Variants in SPCS1 observed in about 807,000 individuals in gnomAD.
SPCS1 encodes SPase 12 kDa subunit.
A neutral mutation model predicts 16.4 loss-of-function variants in SPCS1; 10 were observed. The observed-to-expected ratio is 0.61, with a 90% CI of 0.38 to 1.03. The LOEUF (loss-of-function observed/expected upper bound fraction) is 1.03, where lower values mean the gene tolerates loss of function less well. Ranked by LOEUF, SPCS1 falls within the 50% of genes least tolerant of loss-of-function variation. SPCS1 has a pLI of 0.01. For missense variants in SPCS1, 118 were observed against 123.8 expected, an observed-to-expected ratio of 0.95 and a Z score of 0.22; for synonymous variants, 47 against 42.5, an observed-to-expected ratio of 1.10 and a Z score of -0.41.
chr3:52,707,587 T>A (rs2097345905), intron 3 of SPCS1, 100 bp from the exon 4 acceptor site: 11 of 1,291,166 alleles, frequency 8.5e-6, no homozygotes, highest in Admixed American at 6.7e-5. Flanking sequence ...GTTTTTTTGT[T>A]CCCTCAGCAT....
At chr3:52,706,733 C>A in intron 2 of SPCS1, 30 bp downstream of exon 2, 1 of 1,608,006 alleles carries the variant, frequency 6.2e-7, no homozygotes, top group Non-Finnish European at 8.5e-7. Context: ...TTAATCTCCG[C>A]CCCCGCCTCC....
Position 52,706,202 on chromosome 3 carries a change from C to T in SPCS1, c.-45C>T, listed in dbSNP as rs752641068. 6.4e-7 allele frequency: 1 copy of T among 1,566,446 alleles called. No homozygotes were observed. The highest frequency in any genetic ancestry group is 1.3e-5 in the African/African-American group (1 of 74,218). On this transcript the variant is annotated 5_prime_UTR_variant, in exon 1 of 4. Transcript: ENST00000619898. ...CCTTAAGTCTCGGTCGCCCTCGCCT[C>T]GCAGCCTGCCACCCGCGCTCAGCTG...
Position 52,706,107 on chromosome 3 carries a change from C to A in SPCS1, c.-140C>A, listed in dbSNP as rs2097344370. 1.3e-6 allele frequency: 2 copies of A among 1,538,612 alleles called. No homozygotes were observed. The highest frequency in any genetic ancestry group is 2.7e-5 in the African/African-American group (2 of 72,982). Reference sequence around the variant, plus strand: ...TCGGAGACTTCCGCTTCCGGGGCCGCCGCCATCGCTCTCCCGGGCTTAGAA... The same window carrying A: ...TCGGAGACTTCCGCTTCCGGGGCCGACGCCATCGCTCTCCCGGGCTTAGAA... On this transcript the variant is annotated 5_prime_UTR_variant, in exon 1 of 4. Transcript: ENST00000619898.
chr3:52,708,038 T>C lies in SPCS1; in HGVS notation c.*226T>C. ...AGATGGGGAACAGAACACACAAGTA[T>C]GAAGTTTCTTTCAGGTGTAAATAAT... On this transcript the variant is annotated 3_prime_UTR_variant, in exon 4 of 4. Transcript: ENST00000619898. 2 of 389,522 alleles carry C rather than the reference T, an allele frequency of 5.1e-6. No homozygotes were observed. Among genetic ancestry groups the C allele is most frequent in the Non-Finnish European group, 9.3e-6 (2 of 215,212 alleles). 24.1% of individuals were successfully genotyped at this position (389,522 alleles called of 1,614,324 possible). A position where few individuals can be genotyped will look rare whatever the true frequency, so the allele number is the denominator to read the frequency against.
At position 52,708,273 on chromosome 3, in the gene SPCS1, C is replaced by CT. The variant is rs1231303525; in HGVS notation, c.*462dup. 1 of 153,826 alleles carries CT rather than the reference C, an allele frequency of 6.5e-6. No homozygotes were observed. The highest frequency in any genetic ancestry group is 2.4e-5 in the African/African-American group (1 of 40,928). 9.5% of individuals were successfully genotyped at this position (153,826 alleles called of 1,614,324 possible). A position where few individuals can be genotyped will look rare whatever the true frequency, so the allele number is the denominator to read the frequency against. ...TCTGGCCAGGTGCAGTGGCTCTCAC[C>CT]TATAATCCCAGCACTTGAGGAGGCT... On this transcript the variant is annotated 3_prime_UTR_variant, in exon 4 of 4. Coordinates refer to ENST00000619898, the MANE Select transcript of SPCS1 (RefSeq NM_014041.5).
At chr3:52,707,111 G>A in intron 3 of SPCS1, 1 of 515,100 alleles carries the variant, frequency 1.9e-6, no homozygotes, top group Admixed American at 3.6e-5. Flanking sequence ...TAATCTTAAG[G>A]TCAAAGCCAG....
rs1578604468 is a variant in SPCS1 at position 52,709,285 on chromosome 3, C to CTG, written c.*1473_*1474insTG. ...CCAAAGGTATATTCGGAAGAAAATT[C>CTG]ACAGTCTTAAAGATGAGTTTTTAAA... On this transcript the variant is annotated 3_prime_UTR_variant, in exon 4 of 4. Transcript: ENST00000619898. 1 of 151,778 alleles carries CTG rather than the reference C, an allele frequency of 6.6e-6. No individual in the cohort carries two copies. Among genetic ancestry groups the CTG allele is most frequent in the East Asian group, 1.9e-4 (1 of 5,184 alleles). The allele number at this position is 151,778 out of a possible 1,614,324, so 9.4% of individuals were successfully genotyped here.
At position 52,706,287 on chromosome 3, in the gene SPCS1, G is replaced by T; in HGVS notation, c.36+5G>T. 1 of 1,594,548 alleles carries T rather than the reference G, an allele frequency of 6.3e-7. No individual in the cohort carries two copies. ...AGCTCGCTGCCCACGCAGATGGTGA[G>T]GGCGCAACCCGGGGACCTCTGCACG... On this transcript the variant is annotated splice_donor_5th_base_variant and intron_variant, in intron 1 of 3. Transcript: ENST00000619898.
chr3:52,706,972 TTTCCCTCATCC>T, intron 3 of SPCS1, 93 bp downstream of exon 3: 1 of 872,458 alleles, frequency 1.1e-6, no homozygotes, highest in Non-Finnish European at 2.0e-6. Context: ...AAAGCCAACG[TTTCCCTCATCC>T]TTCCAAACAG....
Position 52,710,918 on chromosome 3 carries a change from G to A in SPCS1, c.*3106G>A, listed in dbSNP as rs1392040990. 1 of 152,442 alleles carries A rather than the reference G, an allele frequency of 6.6e-6. No individual in the cohort carries two copies. Among genetic ancestry groups the A allele is most frequent in the Non-Finnish European group, 1.5e-5 (1 of 68,028 alleles). 9.4% of individuals were successfully genotyped at this position (152,442 alleles called of 1,614,324 possible). On this transcript the variant is annotated 3_prime_UTR_variant, in exon 4 of 4. Coordinates refer to ENST00000619898, the MANE Select transcript of SPCS1 (RefSeq NM_014041.5). ...TCTTATTAAACAACTAATAAAATAT[G>A]TGCTATATAATCATACATTTAAAAC... is the stretch of plus-strand genomic sequence containing the variant.
In SPCS1 at chr3:52,706,957, G is replaced by A. The variant is rs956126978; in HGVS notation, c.183+78G>A. 6 of 981,618 alleles carry A rather than the reference G, an allele frequency of 6.1e-6. No homozygotes were observed. In the African/African-American group the frequency reaches 9.6e-5, roughly 16 times the overall value. The allele number at this position is 981,618 out of a possible 1,614,324, so 60.8% of individuals were successfully genotyped here. A position where few individuals can be genotyped will look rare whatever the true frequency, so the allele number is the denominator to read the frequency against. On this transcript the variant is annotated intron_variant, in intron 3 of 3. Coordinates refer to ENST00000619898, the MANE Select transcript of SPCS1 (RefSeq NM_014041.5). ...TTTGGTTAGACCTACTCAGTAGTGA[G>A]ACCCAAAGCCAACGTTTCCCTCATC...
At chr3:52,706,512 C>A in intron 1 of SPCS1, 132 bp from the exon 2 acceptor site, 1 of 911,154 alleles carries the variant, frequency 1.1e-6, no homozygotes, top group South Asian at 1.6e-5. Context: ...AATTTAATAT[C>A]TTGCCCAGGC....
chr3:52,707,646 T>C (rs2097346009), intron 3 of SPCS1, 41 bp from the exon 4 acceptor site: 18 of 1,596,320 alleles, frequency 1.1e-5, no homozygotes, highest in Non-Finnish European at 1.5e-5. Context: ...TTTTAAACTT[T>C]TAATAGCTAT....
chr3:52,707,956 C>T lies in SPCS1; in HGVS notation c.*144C>T. 1.9e-6 allele frequency: 2 copies of T among 1,059,540 alleles called. No homozygotes were observed. The highest frequency in any genetic ancestry group is 2.4e-5 in the Admixed American group (1 of 41,964). 65.6% of individuals were successfully genotyped at this position (1,059,540 alleles called of 1,614,324 possible). A position where few individuals can be genotyped will look rare whatever the true frequency, so the allele number is the denominator to read the frequency against. On this transcript the variant is annotated 3_prime_UTR_variant, in exon 4 of 4. Transcript: ENST00000619898. ...TTCTCTTTATACTTCATTTCTAGCC[C>T]AGTTGGGTTTTGATTTATATAAGTA...
chr3:52,707,930 GTTCTC>G lies in SPCS1; in HGVS notation c.*121_*125del. ...TATGGCACAGCTGTGTATAGATTTA[GTTCTC>G]TTTATACTTCATTTCTAGCCCAGTT... On this transcript the variant is annotated 3_prime_UTR_variant, in exon 4 of 4. Transcript: ENST00000619898. 7.8e-7 allele frequency: 1 copy of G among 1,285,384 alleles called. No homozygotes were observed. The highest frequency in any genetic ancestry group is 1.5e-5 in the African/African-American group (1 of 67,392). The allele number at this position is 1,285,384 out of a possible 1,614,324, so 79.6% of individuals were successfully genotyped here.
chr3:52,707,871 A>AC lies in SPCS1; in HGVS notation c.*63dup. The stretch of plus-strand genomic sequence containing the variant: ...GTGAGATGAGCTAAATTGCTTTCAT[A>AC]CCCCAGATAAGAGCTAAAACCACCT... On this transcript the variant is annotated 3_prime_UTR_variant, in exon 4 of 4. Transcript: ENST00000619898. 5 of 1,606,616 alleles carry AC rather than the reference A, an allele frequency of 3.1e-6. No individual in the cohort carries two copies. The highest frequency in any genetic ancestry group is 4.5e-5 in the East Asian group (2 of 44,706).
chr3:52,707,441 C>T, intron 3 of SPCS1: 1 of 365,908 alleles, frequency 2.7e-6, no homozygotes, highest in Non-Finnish European at 5.0e-6. Context: ...CAGGCGAGAG[C>T]CACCACGCCT....
Position 52,707,702 on chromosome 3 carries a change from T to C in SPCS1, c.199T>C (p.Trp67Arg). The change falls in exon 4 of 4, where the codon TGG becomes CGG. Residue 67 changes from tryptophan (W) to arginine (R), a missense_variant. Trp to Arg is a moderately radical substitution (Grantham distance 101). Coordinates refer to ENST00000619898, the MANE Select transcript of SPCS1 (RefSeq NM_014041.5). ...TCTGGCCCAGCTGACACTTCCTCCA[T>C]GGCCCATCTATCGCCGGCATCCTCT... Reference protein sequence around the residue: ...AFSCLLTLPPWPIYRRHPLKW... With the variant: ...AFSCLLTLPPRPIYRRHPLKW... 6.2e-7 allele frequency: 1 copy of C among 1,614,100 alleles called. No homozygotes were observed. Among genetic ancestry groups the C allele is most frequent in the Non-Finnish European group, 8.5e-7 (1 of 1,179,978 alleles).
intron 1 of SPCS1, 125 bp from the exon 2 acceptor site, chr3:52,706,519 A>G: frequency 1.1e-6 from 1 of 946,276 alleles, no homozygotes. Context: ...TATCTTGCCC[A>G]GGCCCTTAGG....
Sources: gnomAD v4.1 joint callset for allele counts on GRCh38, gnomAD v4.1.1 for gene constraint, MANE v1.5 for transcripts, NCBI Gene and HGNC (gene_info 2026-07-23, HGNC 2026-07-21) for gene names.